ANK1: variants seen among roughly 807,000 people sequenced by gnomAD.
ANK1 encodes the protein ankyrin-1.
Under a neutral mutation model 210.4 loss-of-function variants are expected in ANK1, and 51 were observed. The ratio of observed to expected loss-of-function variants is 0.24; its 90% CI spans 0.19 to 0.31. The LOEUF (loss-of-function observed/expected upper bound fraction) is 0.31. Among genes scored for constraint, ANK1 ranks in the 10% least tolerant of loss-of-function variants. The probability of loss-of-function intolerance (pLI) is 1.00; values close to 1 mark genes in which losing one functional copy is unlikely to be tolerated. For synonymous variants in ANK1, 967 were observed against 1,025.9 expected (o/e 0.94, Z 1.10); for missense variants, 2,051 against 2,504.4 (o/e 0.82, Z 3.86).
chr8:41,661,938 T>C lies in ANK1; in HGVS notation c.5482A>G (p.Ile1828Val). ...EQGNIVTKKI[I>V]RKVVRQIDLS... ...TCTATCTGTCGAACCACCTTGCGAA[T>C]GATCTAGGAAAGGAAGGGAAGGAGG... Residue 1828 changes from isoleucine (I) to valine (V), a missense_variant, in exon 41 of 43, where the codon ATT becomes GTT. Transcript: ENST00000289734. The C allele has an allele frequency of 6.2e-7, 1 of 1,613,810 alleles. No homozygotes were observed. The highest frequency in any genetic ancestry group is 1.3e-5 in the African/African-American group (1 of 74,986).
At chr8:41,739,091 A>G (rs1219812180) in intron 2 of ANK1, among the ~76,000 whole-genome samples, 1 of 152,068 alleles carries the variant, frequency 6.6e-6, no homozygotes, top group Non-Finnish European at 1.5e-5. Context: ...CTCCAATTAC[A>G]TGTGTTTTAG....
In ANK1 at chr8:41,694,519, G is replaced by A. The variant is rs1000852296; in HGVS notation, c.3327+73C>T. The A allele has an allele frequency of 7.1e-7, 1 of 1,416,008 alleles. No homozygotes were observed. The highest frequency in any genetic ancestry group is 1.2e-5 in the South Asian group (1 of 82,678). 87.7% of individuals were successfully genotyped at this position (1,416,008 alleles called of 1,614,324 possible). On this transcript the variant is annotated intron_variant, in intron 28 of 42. Transcript: ENST00000289734. This position sits in a 1 kb window ranked among gnomAD's most constrained non-coding sequence, Gnocchi z 5.7. ...AGACAAAAGTGTGGGGATGTCCTGG[G>A]GAAGAGGGTGGCCTTCCCGGAGGCC...
chr8:41,671,415 G>C (rs749025906), intron 38 of ANK1, among the ~76,000 whole-genome samples: 1 of 152,132 alleles, frequency 6.6e-6, no homozygotes, highest in African/African-American at 2.4e-5. Context: ...CGCAAGGGGA[G>C]AGGAGCTCCG....
chr8:41,736,269 G>C (rs573175211), intron 2 of ANK1, among the ~76,000 whole-genome samples: 1 of 152,228 alleles, frequency 6.6e-6, no homozygotes, highest in Non-Finnish European at 1.5e-5. Context: ...AAAGCAATTT[G>C]TCGAGTGACC....
intron 1 of ANK1, among the ~76,000 whole-genome samples, chr8:41,790,756 C>T (rs150197335): frequency 0.011 from 1,651 of 152,238 alleles, 12 homozygotes; most frequent in Non-Finnish European, 0.017. Context: ...TCTCTGATGG[C>T]GGAACTTTAG....
At chr8:41,836,922 G>C (rs1807844860) in intron 1 of ANK1, among the ~76,000 whole-genome samples, 1 of 145,562 alleles carries the variant, frequency 6.9e-6, no homozygotes, top group Non-Finnish European at 1.5e-5. Flanking sequence ...GCTATCTCTG[G>C]GGAAAAAAAA....
chr8:41,865,279 T>G (rs1814174237), intron 1 of ANK1, among the ~76,000 whole-genome samples: 1 of 152,220 alleles, frequency 6.6e-6, no homozygotes, highest in South Asian at 2.1e-4. Flanking sequence ...GAACTGCATT[T>G]GCTGAGCCGG....
At chr8:41,818,886 G>T (rs968380471) in intron 1 of ANK1, among the ~76,000 whole-genome samples, 5 of 152,124 alleles carry the variant, frequency 3.3e-5, no homozygotes, top group Admixed American at 3.3e-4. Context: ...CCTAAGACAC[G>T]CCCACAGCTG....
rs144995354 is a variant in ANK1 at position 41,855,707 on chromosome 8, C to T, written c.126+40648G>A. Among the ~76,000 whole-genome samples, 41 of 152,298 alleles carry T rather than the reference C, an allele frequency of 2.7e-4. No individual in the cohort carries two copies. The East Asian group carries it at 7.9e-3, about 29-fold the overall frequency. ...GGATGATCTGAAGGTGGGGACTCTG[C>T]TGCGAGTGTGCTCTGCAGGCTGGAG... On this transcript the variant is annotated intron_variant, in intron 1 of 42. Transcript: ENST00000265709.
chr8:41,736,784 G>A (rs182066330), intron 2 of ANK1, among the ~76,000 whole-genome samples: 59 of 152,314 alleles, frequency 3.9e-4, no homozygotes, highest in Non-Finnish European at 7.1e-4. Context: ...ATTTCAATCC[G>A]GAGGGATTCT....
At chr8:41,668,657 C>T (rs999778334) in intron 38 of ANK1, 93 bp from the exon 39 acceptor site, 31 of 1,354,434 alleles carry the variant, frequency 2.3e-5, no homozygotes, top group Non-Finnish European at 3.0e-5. Flanking sequence ...ACACTCTCCC[C>T]ACCCAGAGCT....
At position 41,797,435 on chromosome 8, in the gene ANK1, G is replaced by A; in HGVS notation, c.27+77C>T. On this transcript the variant is annotated intron_variant, in intron 1 of 42. Transcript: ENST00000289734. This position sits in a 1 kb window ranked among gnomAD's most constrained non-coding sequence, Gnocchi z 4.0. Reference sequence around the variant, plus strand: ...GGTGTGCAAAGCTGCTCTTGCTCGCGTGCTGCCTACTGGCGCGGCCTGGGT... The same window carrying A: ...GGTGTGCAAAGCTGCTCTTGCTCGCATGCTGCCTACTGGCGCGGCCTGGGT... 2.2e-6 allele frequency: 3 copies of A among 1,366,120 alleles called. No individual in the cohort carries two copies. The highest frequency in any genetic ancestry group is 3.1e-6 in the Non-Finnish European group (3 of 975,372). The allele number at this position is 1,366,120 out of a possible 1,614,324, so 84.6% of individuals were successfully genotyped here. A position where few individuals can be genotyped will look rare whatever the true frequency, so the allele number is the denominator to read the frequency against.
chr8:41,675,683 T>C (rs521467), intron 37 of ANK1, among the ~76,000 whole-genome samples: 116,337 of 152,030 alleles, frequency 0.77, 44,765 homozygotes, highest in Admixed American at 0.81. Flanking sequence ...AAGCCATCAC[T>C]TCAAAGAAGA....
intron 1 of ANK1, among the ~76,000 whole-genome samples, chr8:41,855,437 C>T (rs891605576): frequency 2.0e-5 from 3 of 152,218 alleles, no homozygotes; most frequent in East Asian, 1.9e-4. Context: ...AGGCCATCGT[C>T]CTCCCTCCAT....
At chr8:41,896,563 AG>A (rs1820567004) in exon 1 of ANK1, 3 of 1,499,872 alleles carry the variant, frequency 2.0e-6, no homozygotes, top group Non-Finnish European at 2.7e-6. Context: ...AAGAAGGGGA[AG>A]GGGGTCTCTG....
chr8:41,698,544 C>T (rs1821755829), intron 23 of ANK1, among the ~76,000 whole-genome samples: 2 of 152,188 alleles, frequency 1.3e-5, no homozygotes, highest in Non-Finnish European at 2.9e-5. Flanking sequence ...ACACTTCCAT[C>T]TTTTCAGAAA....
intron 1 of ANK1, among the ~76,000 whole-genome samples, chr8:41,780,632 C>T (rs1845092037): frequency 6.6e-6 from 1 of 152,240 alleles, no homozygotes; most frequent in East Asian, 1.9e-4. Context: ...GCAGCGCTGG[C>T]CGCCAAGGGA....
intron 2 of ANK1, among the ~76,000 whole-genome samples, chr8:41,753,772 T>TTG (rs1357611618): frequency 7.7e-6 from 1 of 129,830 alleles, no homozygotes; most frequent in African/African-American, 2.8e-5. Context: ...GTTGTGACTC[T>TTG]CGCCCCTACC....
At chr8:41,844,153 G>A (rs760897861) in intron 1 of ANK1, among the ~76,000 whole-genome samples, 9 of 152,184 alleles carry the variant, frequency 5.9e-5, no homozygotes, top group Non-Finnish European at 1.0e-4. Context: ...GATTACAAGC[G>A]TGAGCCACTT....
Sources: allele counts gnomAD v4.1 joint callset (sites outside exome capture counted in the v4.1 genomes callset), GRCh38; gene constraint gnomAD v4.1.1; non-coding constraint Gnocchi (gnomAD v3.1); transcripts MANE v1.5; gene names NCBI Gene and HGNC (gene_info 2026-07-23, HGNC 2026-07-21).